LY86: variants seen among roughly 807,000 people sequenced by gnomAD.
The protein encoded by LY86 is MD-1, RP105-associated.
LY86 carries 20 observed loss-of-function variants against 17.3 expected under a neutral mutation model. That is an observed-to-expected ratio of 1.15 (90% CI 0.81 to 1.68). LY86 has a LOEUF of 1.68. Among genes scored for constraint, LY86 ranks in the 40% most tolerant of loss-of-function variants. LY86 has a pLI of 0.00. For missense variants in LY86, 200 were observed against 191.9 expected, an observed-to-expected ratio of 1.04 and a Z score of -0.25; for synonymous variants, 74 against 70.6, an observed-to-expected ratio of 1.05 and a Z score of -0.24.
chr6:6,610,097 T>A (rs1317566024), intron 1 of LY86, among the ~76,000 whole-genome samples: 1 of 152,178 alleles, frequency 6.6e-6, no homozygotes, highest in African/African-American at 2.4e-5. Context: ...AGGATCTGTA[T>A]GGTGGTGCTT....
intron 3 of LY86, among the ~76,000 whole-genome samples, chr6:6,633,494 T>A: frequency 6.6e-6 from 1 of 152,142 alleles, no homozygotes; most frequent in South Asian, 2.1e-4. Flanking sequence ...GCACAGATCA[T>A]CCCATGATGA....
chr6:6,627,225 A>C (rs1267278916), intron 3 of LY86, among the ~76,000 whole-genome samples: 1 of 152,090 alleles, frequency 6.6e-6, no homozygotes, highest in Non-Finnish European at 1.5e-5. Context: ...CCCTCACCCC[A>C]CATCTCAGAA....
chr6:6,612,550 A>AT (rs977389154), intron 1 of LY86, among the ~76,000 whole-genome samples: 3 of 152,188 alleles, frequency 2.0e-5, no homozygotes, highest in African/African-American at 4.8e-5. Context: ...AAGCAACGAA[A>AT]CAACCAGTTG....
At chr6:6,596,216 A>C (rs1009386831) in intron 1 of LY86, among the ~76,000 whole-genome samples, 2 of 152,224 alleles carry the variant, frequency 1.3e-5, no homozygotes, top group Admixed American at 1.3e-4. Context: ...CTCCGTACAG[A>C]ATAGAGGGTA....
chr6:6,636,222 G>A (rs376469431), intron 3 of LY86, among the ~76,000 whole-genome samples: 9 of 152,224 alleles, frequency 5.9e-5, no homozygotes, highest in African/African-American at 1.9e-4. Context: ...GACCTACATA[G>A]AGCTGAATCT....
At chr6:6,610,611 C>T (rs545867816) in intron 1 of LY86, among the ~76,000 whole-genome samples, 7 of 152,178 alleles carry the variant, frequency 4.6e-5, no homozygotes, top group Admixed American at 1.3e-4. Context: ...AGCTTCTGTC[C>T]CTAGGAACAT....
intron 1 of LY86, among the ~76,000 whole-genome samples, chr6:6,606,886 A>G (rs71559124): frequency 0.11 from 16,600 of 152,320 alleles, 1,002 homozygotes; most frequent in South Asian, 0.16. Context: ...GTGCAACGGC[A>G]GGCTGAAGGG....
At chr6:6,596,385 C>T (rs1353760184) in intron 1 of LY86, among the ~76,000 whole-genome samples, 1 of 145,122 alleles carries the variant, frequency 6.9e-6, no homozygotes, top group African/African-American at 2.5e-5. Flanking sequence ...ATAAAACAAG[C>T]ATGCATGAAA....
chr6:6,651,282 C>T (rs1762183249), intron 4 of LY86, among the ~76,000 whole-genome samples: 1 of 152,244 alleles, frequency 6.6e-6, no homozygotes, highest in Non-Finnish European at 1.5e-5. Flanking sequence ...AAAAAGGTCT[C>T]TTTCTCCATA....
chr6:6,593,234 C>A (rs761050693), intron 1 of LY86, among the ~76,000 whole-genome samples: 17 of 152,230 alleles, frequency 1.1e-4, no homozygotes, highest in Non-Finnish European at 2.9e-5. Flanking sequence ...CATTCCTTGG[C>A]CTGAGGCTTC....
intron 3 of LY86, 73 bp from the exon 4 acceptor site, chr6:6,649,552 C>T: frequency 1.0e-6 from 1 of 962,196 alleles, no homozygotes; most frequent in Non-Finnish European, 1.6e-6. Flanking sequence ...ATCTGTGTAA[C>T]CACAAATCAT....
chr6:6,627,503 C>A (rs1272880742), intron 3 of LY86, among the ~76,000 whole-genome samples: 1 of 152,168 alleles, frequency 6.6e-6, no homozygotes, highest in Non-Finnish European at 1.5e-5. Context: ...GTGTGTGGCA[C>A]ATCACTGTAT....
At chr6:6,627,030 C>T (rs1007298306) in intron 3 of LY86, among the ~76,000 whole-genome samples, 1 of 152,178 alleles carries the variant, frequency 6.6e-6, no homozygotes, top group Non-Finnish European at 1.5e-5. Context: ...GTCCCCACCT[C>T]TCCTTTCCTC....
chr6:6,593,617 A>G (rs1706669752), intron 1 of LY86, among the ~76,000 whole-genome samples: 1 of 152,240 alleles, frequency 6.6e-6, no homozygotes, highest in African/African-American at 2.4e-5. Flanking sequence ...ACAGTATTTT[A>G]CAACTGATTG....
chr6:6,622,709 C>A (rs1226674800), intron 1 of LY86: 2 of 151,256 alleles, frequency 1.3e-5, no homozygotes, highest in African/African-American at 4.9e-5. Flanking sequence ...TCTTCCAGGT[C>A]AGCAATGTGG....
intron 1 of LY86, among the ~76,000 whole-genome samples, chr6:6,598,558 TTTAC>T (rs1016572623): frequency 3.5e-4 from 54 of 152,358 alleles, no homozygotes; most frequent in African/African-American, 1.2e-3. Flanking sequence ...TTGAGCTCTC[TTTAC>T]TTAAATTTTA....
At chr6:6,613,237 C>T (rs1001473358) in intron 1 of LY86, among the ~76,000 whole-genome samples, 11 of 152,264 alleles carry the variant, frequency 7.2e-5, no homozygotes, top group African/African-American at 1.2e-4. Flanking sequence ...GCACTAGGGC[C>T]GCAGGTGGAG....
chr6:6,649,812 G>A (rs1416716824), intron 4 of LY86, 135 bp downstream of exon 4: 6 of 647,296 alleles, frequency 9.3e-6, no homozygotes, highest in Non-Finnish European at 1.3e-5. Context: ...TTATCCATAG[G>A]CCATCCCTGC....
chr6:6,599,862 A>ACT (rs35001778), intron 1 of LY86, among the ~76,000 whole-genome samples: 120,929 of 152,012 alleles, frequency 0.8, 49,564 homozygotes, highest in Non-Finnish European at 0.89. Context: ...TCCCAGGCAA[A>ACT]CTGCTTCTTA....
Sources: allele counts gnomAD v4.1 joint callset (sites outside exome capture counted in the v4.1 genomes callset), GRCh38; gene constraint gnomAD v4.1.1; transcripts MANE v1.5; gene names NCBI Gene and HGNC (gene_info 2026-07-23, HGNC 2026-07-21).